RBFOX1: variants seen among roughly 807,000 people sequenced by gnomAD.
RBFOX1 encodes the protein RNA binding fox-1 homolog 1.
Under a neutral mutation model 57.7 loss-of-function variants are expected in RBFOX1, and 8 were observed. The ratio of observed to expected loss-of-function variants is 0.14; its 90% CI spans 0.08 to 0.25. The LOEUF is 0.25. Among genes scored for constraint, RBFOX1 ranks in the 10% least tolerant of loss-of-function variants. The probability of loss-of-function intolerance (pLI) is 1.00; values close to 1 mark genes in which losing one functional copy is unlikely to be tolerated. For synonymous variants in RBFOX1, 326 were observed against 222.4 expected (o/e 1.47, Z -4.15); for missense variants, 611 against 548.5 (o/e 1.11, Z -1.14).
intron 3 of RBFOX1, among the ~76,000 whole-genome samples, chr16:6,793,815 G>C (rs191582557): frequency 2.6e-5 from 4 of 152,050 alleles, no homozygotes; most frequent in African/African-American, 9.7e-5. Context: ...TTGTTTCTTT[G>C]GTTAGTAGAA....
At chr16:7,462,324 A>T (rs945341596) in intron 4 of RBFOX1, among the ~76,000 whole-genome samples, 1 of 152,180 alleles carries the variant, frequency 6.6e-6, no homozygotes, top group Admixed American at 6.5e-5. Context: ...GTGAAACCTC[A>T]TCTCTACTAA....
intron 10 of RBFOX1, among the ~76,000 whole-genome samples, chr16:7,622,708 G>A (rs964696876): frequency 6.6e-6 from 1 of 152,000 alleles, no homozygotes; most frequent in African/African-American, 2.4e-5. Flanking sequence ...ATGCGCTTCA[G>A]GGCCCCTTTA....
intron 3 of RBFOX1, among the ~76,000 whole-genome samples, chr16:6,716,174 G>A (rs966911441): frequency 6.6e-6 from 1 of 152,186 alleles, no homozygotes; most frequent in Admixed American, 6.5e-5. Flanking sequence ...GTAAAATAGA[G>A]GGTTATAATA....
At chr16:5,680,148 G>C (rs547111846) in intron 3 of RBFOX1, among the ~76,000 whole-genome samples, 1 of 152,142 alleles carries the variant, frequency 6.6e-6, no homozygotes, top group Admixed American at 6.5e-5. Context: ...AGATATGTGT[G>C]GGGGGTAAAG....
chr16:5,573,724 G>C (rs2046360511), intron 2 of RBFOX1, among the ~76,000 whole-genome samples: 1 of 152,144 alleles, frequency 6.6e-6, no homozygotes, highest in Non-Finnish European at 1.5e-5. Context: ...CACTTTGGGA[G>C]GCCGAGGTGG....
intron 2 of RBFOX1, among the ~76,000 whole-genome samples, chr16:6,642,422 C>T (rs2098499449): frequency 6.6e-6 from 1 of 152,072 alleles, no homozygotes; most frequent in African/African-American, 2.4e-5. Flanking sequence ...TTTGAGCTCA[C>T]CTGGTGACAG....
chr16:7,176,570 G>A (rs910333366), intron 4 of RBFOX1, among the ~76,000 whole-genome samples: 2 of 152,118 alleles, frequency 1.3e-5, no homozygotes, highest in Admixed American at 6.5e-5. Flanking sequence ...TTTGCATATC[G>A]ATTATGGCTG....
intron 3 of RBFOX1, among the ~76,000 whole-genome samples, chr16:7,051,657 C>G (rs534461966): frequency 6.6e-6 from 1 of 152,168 alleles, no homozygotes; most frequent in Admixed American, 6.5e-5. Context: ...TGTGTGTTTT[C>G]CACTGACTTA....
At chr16:7,123,093 G>T (rs1394555141) in intron 4 of RBFOX1, among the ~76,000 whole-genome samples, 1 of 152,108 alleles carries the variant, frequency 6.6e-6, no homozygotes, top group Admixed American at 6.6e-5. Context: ...AGTTTTTGGG[G>T]TGATGGAACT....
At chr16:6,230,454 G>A (rs2097450629) in intron 1 of RBFOX1, among the ~76,000 whole-genome samples, 1 of 152,100 alleles carries the variant, frequency 6.6e-6, no homozygotes, top group African/African-American at 2.4e-5. Flanking sequence ...TCAGACCACC[G>A]CGTTCTAAAA....
At chr16:6,504,000 G>A (rs569011271) in intron 2 of RBFOX1, among the ~76,000 whole-genome samples, 1 of 152,280 alleles carries the variant, frequency 6.6e-6, no homozygotes, top group East Asian at 1.9e-4. Context: ...TTTAAGAGCA[G>A]CCTTCTATTT....
downstream of RBFOX1, among the ~76,000 whole-genome samples, chr16:5,603,076 C>A (rs2047420502): frequency 6.6e-6 from 1 of 152,196 alleles, no homozygotes; most frequent in Non-Finnish European, 1.5e-5. Flanking sequence ...ATCTCACCGC[C>A]CTTCCTACTC....
chr16:7,189,784 C>T (rs1237474660), intron 4 of RBFOX1, among the ~76,000 whole-genome samples: 1 of 152,214 alleles, frequency 6.6e-6, no homozygotes, highest in East Asian at 1.9e-4. Flanking sequence ...TTTCCCTATG[C>T]ATCCAGCAAG....
chr16:6,780,562 T>G (rs1253832714), intron 3 of RBFOX1, among the ~76,000 whole-genome samples: 1 of 105,054 alleles, frequency 9.5e-6, no homozygotes, highest in African/African-American at 5.4e-5. Context: ...ATTTACATAT[T>G]TATATATATT....
chr16:7,556,920 A>C (rs1339519276), intron 5 of RBFOX1, among the ~76,000 whole-genome samples: 1 of 152,092 alleles, frequency 6.6e-6, no homozygotes, highest in African/African-American at 2.4e-5. Context: ...ATATCTATCA[A>C]CCATTTCCAT....
chr16:6,454,088 T>A (rs2094701238), intron 2 of RBFOX1, among the ~76,000 whole-genome samples: 1 of 152,170 alleles, frequency 6.6e-6, no homozygotes, highest in Non-Finnish European at 1.5e-5. Context: ...CTCCTCTTCT[T>A]GCAAAGGCAG....
At chr16:5,476,009 A>G (rs898310991) in intron 2 of RBFOX1, among the ~76,000 whole-genome samples, 4 of 152,138 alleles carry the variant, frequency 2.6e-5, no homozygotes, top group Admixed American at 1.3e-4. Context: ...GTGGCTTTGA[A>G]AAATGTATTT....
chr16:6,021,598 G>A (rs2095079205), intron 1 of RBFOX1, among the ~76,000 whole-genome samples: 1 of 152,136 alleles, frequency 6.6e-6, no homozygotes, highest in Admixed American at 6.5e-5. Context: ...AGAATCCCCT[G>A]GGCTTTCCTT....
At chr16:5,717,289 C>A (rs1281123954) in intron 3 of RBFOX1, among the ~76,000 whole-genome samples, 2 of 152,126 alleles carry the variant, frequency 1.3e-5, no homozygotes, top group Non-Finnish European at 2.9e-5. Flanking sequence ...TGCACTTCCA[C>A]TTCCACTTTT....
Sources: gnomAD v4.1 joint callset for allele counts (sites outside exome capture counted in the v4.1 genomes callset) on GRCh38, gnomAD v4.1.1 for gene constraint, MANE v1.5 for transcripts, NCBI Gene and HGNC (gene_info 2026-07-23, HGNC 2026-07-21) for gene names.